SGIP1: variants seen among roughly 807,000 people sequenced by gnomAD.
The protein encoded by SGIP1 is SH3GL interacting endocytic adaptor 1.
SGIP1 carries 38 observed loss-of-function variants against 107.5 expected under a neutral mutation model. The ratio of observed to expected loss-of-function variants is 0.35; its 90% CI spans 0.27 to 0.46. The LOEUF is 0.46. SGIP1 is among the 20% of genes least tolerant of loss of function. SGIP1 has a pLI of 1.00. For missense variants in SGIP1, 929 were observed against 1,019.5 expected (o/e 0.91, Z 1.21); for synonymous variants, 365 against 366.1 (o/e 1.00, Z 0.03).
chr1:66,730,858 C>T (rs1048537385), intron 20 of SGIP1, among the ~76,000 whole-genome samples: 2 of 152,080 alleles, frequency 1.3e-5, no homozygotes, highest in African/African-American at 2.4e-5. Context: ...TCCCCTGCCT[C>T]GAATACTGTT....
chr1:66,545,521 A>T (rs371265218), intron 1 of SGIP1, among the ~76,000 whole-genome samples: 102 of 152,310 alleles, frequency 6.7e-4, no homozygotes, highest in African/African-American at 2.4e-3. Context: ...GGATGTGACG[A>T]TAACAGTCTT....
Position 66,745,863 on chromosome 1 carries a change from G to A in SGIP1, c.*2768G>A, listed in dbSNP as rs2094545499. On this transcript the variant is annotated 3_prime_UTR_variant, in exon 25 of 25. Transcript: ENST00000371037. ...TTTTTAAAAATAAATTTGTATCAAGGATTAGTCTGAATTTTATCATAATAG... is the reference window on the plus strand; with the variant it reads ...TTTTTAAAAATAAATTTGTATCAAGAATTAGTCTGAATTTTATCATAATAG... 6.6e-6 allele frequency: 1 copy of A among 151,890 alleles called. No homozygotes were observed. The highest frequency in any genetic ancestry group is 6.6e-5 in the Admixed American group (1 of 15,236). 9.4% of individuals were successfully genotyped at this position (151,890 alleles called of 1,614,324 possible).
At chr1:66,581,619 C>T (rs2061835679) in intron 1 of SGIP1, among the ~76,000 whole-genome samples, 1 of 151,942 alleles carries the variant, frequency 6.6e-6, no homozygotes, top group Admixed American at 6.6e-5. Flanking sequence ...GAGGTTCATA[C>T]CTTCTCTTAA....
intron 19 of SGIP1, among the ~76,000 whole-genome samples, chr1:66,720,552 G>A (rs1238204516): frequency 1.3e-5 from 2 of 152,042 alleles, no homozygotes; most frequent in African/African-American, 4.8e-5. Flanking sequence ...CATAGGGAGA[G>A]CCTGCCTCTG....
At chr1:66,720,432 C>T (rs2093470374) in intron 19 of SGIP1, among the ~76,000 whole-genome samples, 1 of 152,054 alleles carries the variant, frequency 6.6e-6, no homozygotes, top group Non-Finnish European at 1.5e-5. Flanking sequence ...ATATTTATGA[C>T]AATAAGAACT....
intron 1 of SGIP1, among the ~76,000 whole-genome samples, chr1:66,589,890 G>T (rs1038992771): frequency 1.3e-5 from 2 of 152,052 alleles, no homozygotes; most frequent in African/African-American, 4.8e-5. Context: ...ATTATCCATT[G>T]TCTTGTGAAA....
chr1:66,730,994 A>C (rs2093984389), intron 20 of SGIP1, among the ~76,000 whole-genome samples: 1 of 152,154 alleles, frequency 6.6e-6, no homozygotes. Flanking sequence ...GTGCAAAAGT[A>C]ATTGCAGTTT....
chr1:66,685,593 AAC>A (rs1320683196), intron 15 of SGIP1, among the ~76,000 whole-genome samples: 1 of 152,228 alleles, frequency 6.6e-6, no homozygotes, highest in Non-Finnish European at 1.5e-5. Flanking sequence ...GTTATATGCA[AAC>A]ACACAGTCAA....
intron 1 of SGIP1, among the ~76,000 whole-genome samples, chr1:66,603,224 G>GA (rs1161163396): frequency 1.3e-5 from 2 of 151,970 alleles, no homozygotes; most frequent in African/African-American, 2.4e-5. Context: ...GCTATTTATG[G>GA]AAAAAAACTT....
Position 66,630,898 on chromosome 1 carries a change from A to AGAAAGAAAGAAGGAAAGAAAGAAG in SGIP1, c.75-2165_75-2164insAGAAGGAAAGAAAGAAGGAAAGAA, listed in dbSNP as rs2074317097. ...AAGAAAGAAAGAAAGAAAGAAAGAA[A>AGAAAGAAAGAAGGAAAGAAAGAAG]GAAAGAAGGGAGGGAGGGAGGGAGG... On this transcript the variant is annotated intron_variant, in intron 2 of 24. Coordinates refer to ENST00000371037, the MANE Select transcript of SGIP1 (RefSeq NM_032291.4). Among the ~76,000 whole-genome samples, 2 of 8,264 alleles carry AGAAAGAAAGAAGGAAAGAAAGAAG rather than the reference A, an allele frequency of 2.4e-4. 1 individual carries two copies. The highest frequency in any genetic ancestry group is 9.8e-4 in the African/African-American group (2 of 2,042). The allele number at this position is 8,264 out of a possible 152,430, so 5.4% of individuals were successfully genotyped here. A position where few individuals can be genotyped will look rare whatever the true frequency, so the allele number is the denominator to read the frequency against.
chr1:66,579,101 G>C (rs560757140), intron 1 of SGIP1, among the ~76,000 whole-genome samples: 1 of 152,226 alleles, frequency 6.6e-6, no homozygotes, highest in South Asian at 2.1e-4. Context: ...TATTTATTTT[G>C]GGGTCTGTAA....
intron 20 of SGIP1, among the ~76,000 whole-genome samples, chr1:66,729,880 C>A (rs925329589): frequency 1.3e-5 from 2 of 152,330 alleles, no homozygotes; most frequent in African/African-American, 4.8e-5. Flanking sequence ...CAGCTCTCTG[C>A]AACCTCCGCC....
intron 17 of SGIP1, among the ~76,000 whole-genome samples, chr1:66,693,556 T>A (rs1228310624): frequency 6.6e-6 from 1 of 152,248 alleles, no homozygotes; most frequent in Non-Finnish European, 1.5e-5. Context: ...CATTTCCTTC[T>A]CTGCATTTTT....
intron 1 of SGIP1, among the ~76,000 whole-genome samples, chr1:66,619,699 C>T (rs1208255019): frequency 6.6e-6 from 1 of 152,198 alleles, no homozygotes; most frequent in African/African-American, 2.4e-5. Context: ...TCCACTTACA[C>T]TTCTAGGAGA....
chr1:66,650,605 G>T (rs1294433215), intron 7 of SGIP1, among the ~76,000 whole-genome samples: 1 of 152,078 alleles, frequency 6.6e-6, no homozygotes, highest in Non-Finnish European at 1.5e-5. Flanking sequence ...CCTTCCTAGG[G>T]TCTCAGATAC....
At chr1:66,556,095 C>T (rs2058135186) in intron 1 of SGIP1, among the ~76,000 whole-genome samples, 1 of 152,028 alleles carries the variant, frequency 6.6e-6, no homozygotes, top group Non-Finnish European at 1.5e-5. Flanking sequence ...AACAAACAAA[C>T]AAAAATAGCT....
intron 1 of SGIP1, among the ~76,000 whole-genome samples, chr1:66,594,336 A>G (rs1570280452): frequency 6.6e-6 from 1 of 152,324 alleles, no homozygotes; most frequent in South Asian, 2.1e-4. Flanking sequence ...ACTATTAGAC[A>G]TATTGTTATT....
intron 2 of SGIP1, among the ~76,000 whole-genome samples, chr1:66,626,280 C>T (rs1169264782): frequency 1.3e-5 from 2 of 150,760 alleles, no homozygotes; most frequent in Non-Finnish European, 2.9e-5. Context: ...AAAGAAACAA[C>T]AAAACACCTG....
At chr1:66,657,611 G>A (rs550980501) in intron 7 of SGIP1, among the ~76,000 whole-genome samples, 68 of 152,248 alleles carry the variant, frequency 4.5e-4, no homozygotes, top group Non-Finnish European at 8.5e-4. Context: ...CTCTCCAGCT[G>A]CAGAGGATAA....
Sources: allele counts gnomAD v4.1 joint callset (sites outside exome capture counted in the v4.1 genomes callset), GRCh38; gene constraint gnomAD v4.1.1; transcripts MANE v1.5; gene names NCBI Gene and HGNC (gene_info 2026-07-23, HGNC 2026-07-21).